The following CHD7 variants were observed in gnomAD, a reference collection of about 807,000 sequenced individuals.
CHD7 encodes the protein chromodomain helicase DNA binding protein 7.
A neutral mutation model predicts 307.3 loss-of-function variants in CHD7; 24 were observed. The ratio of observed to expected loss-of-function variants is 0.08; its 90% confidence interval spans 0.06 to 0.11. The LOEUF (loss-of-function observed/expected upper bound fraction) is 0.11, where lower values mean the gene tolerates loss of function less well. Ranked by LOEUF, CHD7 falls within the 10% of genes least tolerant of loss-of-function variation. CHD7 has a pLI of 1.00. For missense variants in CHD7, 3,106 were observed against 3,727.1 expected, an observed-to-expected ratio of 0.83 and a Z score of 4.34; for synonymous variants, 1,363 against 1,349.9, an observed-to-expected ratio of 1.01 and a Z score of -0.21.
chr8:60,862,391 G>A (rs923853669), intron 36 of CHD7, 55 bp downstream of exon 36: 2 of 1,554,804 alleles, frequency 1.3e-6, no homozygotes, highest in African/African-American at 2.7e-5. Flanking sequence ...CCAGAAGGAA[G>A]TGTTTTATCC....
intron 1 of CHD7, among the ~76,000 whole-genome samples, chr8:60,704,620 T>C (rs542522650): frequency 6.6e-6 from 1 of 151,216 alleles, no homozygotes; most frequent in African/African-American, 2.4e-5. Flanking sequence ...TGGTAGTGAT[T>C]TGATCTAGTG....
chr8:60,808,017 C>T (rs548296464), intron 6 of CHD7, among the ~76,000 whole-genome samples, 200 bp from the exon 7 acceptor site: 1 of 152,360 alleles, frequency 6.6e-6, no homozygotes, highest in South Asian at 2.1e-4. Context: ...GCACGTTGAG[C>T]AGAGGTGCGT....
At chr8:60,726,072 T>C (rs952026588) in intron 1 of CHD7, among the ~76,000 whole-genome samples, 16 of 152,368 alleles carry the variant, frequency 1.1e-4, no homozygotes, top group African/African-American at 3.8e-4. Context: ...AGTTTCCTGG[T>C]AAATATCCCA....
At position 60,694,889 on chromosome 8, in the gene CHD7, G is replaced by A. The variant is rs559618714; in HGVS notation, c.-175+15807G>A. ...TGAGTGAGATTCTGACTTATATTAC[G>A]TGATGGAAATGGAGTTGAAAGGTTA... On this transcript the variant is annotated intron_variant, in intron 1 of 37. Coordinates refer to ENST00000423902, the MANE Select transcript of CHD7 (RefSeq NM_017780.4). 5.3e-5 allele frequency among the ~76,000 whole-genome samples: 8 copies of A among 152,298 alleles called. No individual in the cohort carries two copies. In the East Asian group the frequency reaches 1.4e-3, roughly 26 times the overall value.
chr8:60,823,427 ATAGATAG>A (rs1563632121), intron 12 of CHD7, among the ~76,000 whole-genome samples: 1 of 151,906 alleles, frequency 6.6e-6, no homozygotes, highest in Non-Finnish European at 1.5e-5. Flanking sequence ...AGATAGATAG[ATAGATAG>A]ATAGATGTGT....
chr8:60,784,403 T>A lies in CHD7; in HGVS notation c.2096+2973T>A, dbSNP rs570561820. 1.4e-4 allele frequency among the ~76,000 whole-genome samples: 22 copies of A among 152,354 alleles called. No homozygotes were observed. In the South Asian group the frequency reaches 3.7e-3, roughly 26 times the overall value. Reference sequence around the variant, plus strand: ...AATGAAAAATTTAGCACAGAACTGCTGACATCTTTACTCTGCAGCCCTGTA... The same window carrying A: ...AATGAAAAATTTAGCACAGAACTGCAGACATCTTTACTCTGCAGCCCTGTA... On this transcript the variant is annotated intron_variant, in intron 3 of 37. Transcript: ENST00000423902.
At chr8:60,836,752 A>T (rs41265244) in intron 16 of CHD7, 65 bp from the exon 17 acceptor site, 71 of 1,154,720 alleles carry the variant, frequency 6.1e-5, no homozygotes, top group East Asian at 3.1e-4. Context: ...ATTAAAAATT[A>T]AAAAAAGGAG....
At chr8:60,749,370 C>CAAA (rs55661758) in intron 2 of CHD7, among the ~76,000 whole-genome samples, 27,533 of 56,252 alleles carry the variant, frequency 0.49, 8,823 homozygotes, top group East Asian at 0.85. Flanking sequence ...GACTCTGTAT[C>CAAA]AAAAAAAAAA....
intron 1 of CHD7, among the ~76,000 whole-genome samples, chr8:60,737,441 T>A (rs1808767007): frequency 6.6e-6 from 1 of 152,232 alleles, no homozygotes; most frequent in Non-Finnish European, 1.5e-5. Context: ...AGAAGTTTAC[T>A]CCTCTCAGTC....
intron 1 of CHD7, among the ~76,000 whole-genome samples, chr8:60,710,057 G>A (rs1807205036): frequency 6.6e-6 from 1 of 151,178 alleles, no homozygotes; most frequent in Non-Finnish European, 1.5e-5. Flanking sequence ...TTTTGGGGGA[G>A]AGAATTCTCC....
rs561266744 is a variant in CHD7, at chr8:60,784,099, C to T, written c.2096+2669C>T. 2.0e-5 allele frequency among the ~76,000 whole-genome samples: 3 copies of T among 152,220 alleles called. No individual in the cohort carries two copies. In the South Asian group the frequency reaches 6.2e-4, roughly 32 times the overall value. On this transcript the variant is annotated intron_variant, in intron 3 of 37. Coordinates refer to ENST00000423902, the MANE Select transcript of CHD7 (RefSeq NM_017780.4). ...GGAGCAAGGATAACTAGAGTGCATA[C>T]AACTACATGTAAATTCTGAATAGCA...
At chr8:60,684,257 C>A (rs1292254621) in intron 1 of CHD7, among the ~76,000 whole-genome samples, 1 of 152,088 alleles carries the variant, frequency 6.6e-6, no homozygotes, top group Non-Finnish European at 1.5e-5. Context: ...TTAAAGTGAC[C>A]CTTTGAGCCT....
chr8:60,795,064 A>G lies in CHD7; in HGVS notation c.2175A>G (p.Ser725=), dbSNP rs1471731176. The G allele has an allele frequency of 1.8e-5, 29 of 1,613,784 alleles. No homozygotes were observed. Among genetic ancestry groups the G allele is most frequent in the Non-Finnish European group, 2.4e-5 (28 of 1,179,790 alleles). The change falls in exon 4 of 38, where the codon TCA becomes TCG. Residue 725 remains serine, a synonymous_variant. Coordinates refer to ENST00000423902, the MANE Select transcript of CHD7 (RefSeq NM_017780.4). ...NKGKTEGSEN[S]DLDKTPPPSP... The stretch of plus-strand genomic sequence containing the variant: ...GAAAAACAGAAGGTTCTGAAAATTC[A>G]GACTTAGACAAAACACCCCCACCAT...
rs1400950467 is a variant in CHD7, at chr8:60,866,641, AGAGT to A, written c.*712_*715del. On this transcript the variant is annotated 3_prime_UTR_variant, in exon 38 of 38. Coordinates refer to ENST00000423902, the MANE Select transcript of CHD7 (RefSeq NM_017780.4). ...ACAAAATAAATAGATGAATAAATAA[AGAGT>A]GAGAGAAGAGAGAATCAGGTACCTT... The A allele has an allele frequency of 1.3e-5, 2 of 152,690 alleles. No homozygotes were observed. Among genetic ancestry groups the A allele is most frequent in the African/African-American group, 4.8e-5 (2 of 41,470 alleles). The allele number at this position is 152,690 out of a possible 1,614,324, so 9.5% of individuals were successfully genotyped here.
chr8:60,740,319 G>A (rs1281455519), intron 1 of CHD7, among the ~76,000 whole-genome samples: 1 of 152,230 alleles, frequency 6.6e-6, no homozygotes, highest in Non-Finnish European at 1.5e-5. Flanking sequence ...ATAATTTTCA[G>A]TTTTGGAGAA....
intron 1 of CHD7, among the ~76,000 whole-genome samples, chr8:60,693,000 A>G (rs1465894612): frequency 6.6e-6 from 1 of 152,232 alleles, no homozygotes; most frequent in South Asian, 2.1e-4. Context: ...TTCTTCCTGC[A>G]AAAGCATGAA....
At chr8:60,778,779 A>G (rs867155636) in intron 2 of CHD7, among the ~76,000 whole-genome samples, 3 of 152,216 alleles carry the variant, frequency 2.0e-5, no homozygotes, top group Non-Finnish European at 4.4e-5. Flanking sequence ...TTTTAATTAC[A>G]TTAAGGAATA....
At chr8:60,771,148 A>G (rs1810689272) in intron 2 of CHD7, among the ~76,000 whole-genome samples, 1 of 152,268 alleles carries the variant, frequency 6.6e-6, no homozygotes, top group East Asian at 1.9e-4. Context: ...TAATGAAGGA[A>G]GTCCTGCTGT....
At chr8:60,824,149 C>T in intron 13 of CHD7, 133 bp downstream of exon 13, 2 of 787,036 alleles carry the variant, frequency 2.5e-6, no homozygotes, top group South Asian at 3.9e-5. Flanking sequence ...TATTCTCTGG[C>T]ACTTTCAGTT....
Sources: gnomAD v4.1 joint callset for allele counts (sites outside exome capture counted in the v4.1 genomes callset) on GRCh38, gnomAD v4.1.1 for gene constraint, MANE v1.5 for transcripts, NCBI Gene and HGNC (gene_info 2026-07-23, HGNC 2026-07-21) for gene names.